Variants in RPS6KC1 observed in about 807,000 individuals in gnomAD.
RPS6KC1 encodes ribosomal protein S6 kinase C1.
A neutral mutation model predicts 103.8 loss-of-function variants in RPS6KC1; 54 were observed. That is an observed-to-expected ratio of 0.52 (90% CI 0.42 to 0.65). RPS6KC1 has a LOEUF of 0.65. RPS6KC1 is among the 30% of genes least tolerant of loss of function. The probability of loss-of-function intolerance (pLI) is 0.00; values close to 1 mark genes in which losing one functional copy is unlikely to be tolerated. For missense variants in RPS6KC1, 1,151 were observed against 1,253.8 expected (o/e 0.92, Z 1.24); for synonymous variants, 439 against 438.7 (o/e 1.00, Z -0.01).
intron 14 of RPS6KC1, among the ~76,000 whole-genome samples, chr1:213,271,139 A>G (rs1437999116): frequency 6.6e-6 from 1 of 152,248 alleles, no homozygotes; most frequent in Non-Finnish European, 1.5e-5. Context: ...GAACGTTAAT[A>G]GCAACATTAT....
the RPS6KC1 span, among the ~76,000 whole-genome samples, chr1:213,705,618 C>T: frequency 3.9e-5 from 6 of 152,210 alleles, no homozygotes; most frequent in South Asian, 1.2e-3. Flanking sequence ...GTACATAGAA[C>T]GTAAAACAAA....
the RPS6KC1 span, among the ~76,000 whole-genome samples, chr1:213,325,949 T>C: frequency 6.6e-6 from 1 of 152,214 alleles, no homozygotes; most frequent in Admixed American, 6.5e-5. Flanking sequence ...TTTGCTCTTG[T>C]TAAGGCTGGA....
At chr1:213,373,506 A>T in the RPS6KC1 span, among the ~76,000 whole-genome samples, 1 of 152,266 alleles carries the variant, frequency 6.6e-6, no homozygotes, top group Admixed American at 6.5e-5. Context: ...TGAAATAAAA[A>T]ATAAAAAATC....
chr1:213,086,462 CA>C (rs1399953142), intron 3 of RPS6KC1, among the ~76,000 whole-genome samples: 1 of 152,216 alleles, frequency 6.6e-6, no homozygotes, highest in Non-Finnish European at 1.5e-5. Context: ...ACATTGCCTC[CA>C]ATGAGATCTG....
intron 1 of RPS6KC1, among the ~76,000 whole-genome samples, chr1:213,055,126 C>A (rs1276506195): frequency 1.3e-5 from 2 of 152,050 alleles, no homozygotes; most frequent in Admixed American, 6.5e-5. Context: ...TGTAAGTGTC[C>A]AATTTGATGA....
chr1:213,793,380 C>T, the RPS6KC1 span, among the ~76,000 whole-genome samples: 1 of 152,210 alleles, frequency 6.6e-6, no homozygotes, highest in African/African-American at 2.4e-5. Context: ...CACCTCGCGA[C>T]TGCCGTGCTC....
chr1:213,130,736 C>T (rs147697902), intron 6 of RPS6KC1, among the ~76,000 whole-genome samples: 217 of 152,114 alleles, frequency 1.4e-3, no homozygotes, highest in African/African-American at 5.0e-3. Flanking sequence ...AAATGGTGTA[C>T]CTGTCTGTAT....
chr1:213,151,201 G>A lies in RPS6KC1; in HGVS notation c.836-16657G>A, dbSNP rs866952867. ...CCCCCACCTCCCTCCCGGATGGGGCGGCTGGCCAGGCGGGGGGCTGACCCC... is the reference window on the plus strand; with the variant it reads ...CCCCCACCTCCCTCCCGGATGGGGCAGCTGGCCAGGCGGGGGGCTGACCCC... On this transcript the variant is annotated intron_variant, in intron 6 of 14. Coordinates refer to ENST00000366960, the MANE Select transcript of RPS6KC1 (RefSeq NM_012424.6). 3.5e-3 allele frequency among the ~76,000 whole-genome samples: 475 copies of A among 136,718 alleles called. 1 individual carries two copies. Among genetic ancestry groups the A allele is most frequent in the African/African-American group, 0.011 (399 of 36,318 alleles). The allele number at this position is 136,718 out of a possible 152,430, so 89.7% of individuals were successfully genotyped here.
chr1:213,445,406 A>G, the RPS6KC1 span, among the ~76,000 whole-genome samples: 1 of 152,204 alleles, frequency 6.6e-6, no homozygotes, highest in South Asian at 2.1e-4. Context: ...AATCCTCATC[A>G]ATACTCCCAA....
intron 6 of RPS6KC1, among the ~76,000 whole-genome samples, chr1:213,156,533 A>G (rs2089907640): frequency 2.0e-5 from 3 of 152,248 alleles, no homozygotes; most frequent in African/African-American, 4.8e-5. Flanking sequence ...ACCAAGGCAC[A>G]TGATAATCAA....
the RPS6KC1 span, among the ~76,000 whole-genome samples, chr1:213,704,117 G>T: frequency 6.6e-6 from 1 of 152,096 alleles, no homozygotes; most frequent in African/African-American, 2.4e-5. Context: ...GCCGGGCGCG[G>T]TGGCTCACGC....
chr1:213,397,709 G>T, the RPS6KC1 span, among the ~76,000 whole-genome samples: 1 of 151,996 alleles, frequency 6.6e-6, no homozygotes, highest in Non-Finnish European at 1.5e-5. Context: ...AAATGGTAGA[G>T]AAGAAACCCA....
At chr1:213,738,495 G>A in the RPS6KC1 span, among the ~76,000 whole-genome samples, 206 of 152,192 alleles carry the variant, frequency 1.4e-3, 2 homozygotes, top group African/African-American at 4.8e-3. Context: ...GTAATGAGCC[G>A]CTTAGAGCTC....
the RPS6KC1 span, among the ~76,000 whole-genome samples, chr1:213,620,582 G>A: frequency 6.6e-6 from 1 of 152,318 alleles, no homozygotes; most frequent in Admixed American, 6.5e-5. Flanking sequence ...ATTAAGAGGA[G>A]GAGAGAATAA....
At chr1:213,550,435 G>A in the RPS6KC1 span, among the ~76,000 whole-genome samples, 1 of 152,064 alleles carries the variant, frequency 6.6e-6, no homozygotes, top group Admixed American at 6.6e-5. Flanking sequence ...CATTAATTGA[G>A]ATCATTTCAA....
the RPS6KC1 span, among the ~76,000 whole-genome samples, chr1:213,791,707 A>G: frequency 1.4e-4 from 22 of 152,244 alleles, no homozygotes; most frequent in Admixed American, 6.5e-5. Flanking sequence ...CTTTATGATT[A>G]TAAACTTACT....
At chr1:213,283,313 G>A in the RPS6KC1 span, among the ~76,000 whole-genome samples, 1 of 152,260 alleles carries the variant, frequency 6.6e-6, no homozygotes, top group East Asian at 1.9e-4. Context: ...GTAGCATACT[G>A]CCCACATAAT....
chr1:213,528,308 G>A, the RPS6KC1 span, among the ~76,000 whole-genome samples: 1 of 152,142 alleles, frequency 6.6e-6, no homozygotes, highest in Non-Finnish European at 1.5e-5. Flanking sequence ...GGGGAGAAAA[G>A]TCCCTTATAA....
At chr1:213,657,139 A>C in the RPS6KC1 span, among the ~76,000 whole-genome samples, 2 of 152,222 alleles carry the variant, frequency 1.3e-5, no homozygotes, top group Non-Finnish European at 2.9e-5. Context: ...AAGAGACTCC[A>C]CAATGTGGAT....
Sources: gnomAD v4.1 joint callset for allele counts (sites outside exome capture counted in the v4.1 genomes callset) on GRCh38, gnomAD v4.1.1 for gene constraint, MANE v1.5 for transcripts, NCBI Gene and HGNC (gene_info 2026-07-23, HGNC 2026-07-21) for gene names.